Variants in ELF5 observed in about 807,000 individuals in gnomAD.
The protein encoded by ELF5 is ETS-related transcription factor Elf-5.
Under a neutral mutation model 38.2 loss-of-function variants are expected in ELF5, and 31 were observed. The observed-to-expected ratio is 0.81, with a 90% CI of 0.61 to 1.10. The LOEUF is 1.10. ELF5 is among the 50% of genes least tolerant of loss of function. The probability of loss-of-function intolerance (pLI) is 0.00; values close to 1 mark genes in which losing one functional copy is unlikely to be tolerated. For missense variants in ELF5, 300 were observed against 306.6 expected, an observed-to-expected ratio of 0.98 and a Z score of 0.16; for synonymous variants, 121 against 112.5, an observed-to-expected ratio of 1.08 and a Z score of -0.48.
At chr11:34,483,646 T>A (rs769570885) in intron 4 of ELF5, among the ~76,000 whole-genome samples, 1 of 152,048 alleles carries the variant, frequency 6.6e-6, no homozygotes, top group African/African-American at 2.4e-5. Context: ...GTACATACTA[T>A]GCTGTACTAA....
chr11:34,482,474 T>A lies in ELF5; in HGVS notation c.432A>T (p.Thr144=). 6.2e-7 allele frequency: 1 copy of A among 1,613,296 alleles called. No homozygotes were observed. Among genetic ancestry groups the A allele is most frequent in the Non-Finnish European group, 8.5e-7 (1 of 1,179,830 alleles). The part of the protein sequence containing the change: ...KDYADSNCLK[T]SGIKSQDCHS... ...GACAGTCTTGACTTTTGATGCCACT[T>A]GTTTTCAAGCAGTTGGAATCAGCAT... Residue 144 remains threonine, a synonymous_variant, in exon 5 of 7, where the codon ACA becomes ACT. Transcript: ENST00000257832.
chr11:34,493,726 G>C lies in ELF5; in HGVS notation c.122-14C>G. On this transcript the variant is annotated splice_polypyrimidine_tract_variant and intron_variant, in intron 2 of 6. Coordinates refer to ENST00000257832, the MANE Select transcript of ELF5 (RefSeq NM_001422.4). ...ATGAGTCACAGGCTGCACCAAAGGA[G>C]AAAGAAGTGAGGGACAACAGTCCCA... 6.2e-7 allele frequency: 1 copy of C among 1,610,198 alleles called. No individual in the cohort carries two copies. The highest frequency in any genetic ancestry group is 8.5e-7 in the Non-Finnish European group (1 of 1,176,820).
intron 1 of ELF5, among the ~76,000 whole-genome samples, chr11:34,508,174 G>A (rs1366735039): frequency 6.6e-6 from 1 of 152,162 alleles, no homozygotes. Context: ...GCAAAATGCA[G>A]TCCCTCACCT....
intron 4 of ELF5, among the ~76,000 whole-genome samples, chr11:34,489,116 T>C (rs1359678593): frequency 6.6e-6 from 1 of 152,264 alleles, no homozygotes; most frequent in Non-Finnish European, 1.5e-5. Context: ...GCCCGTAGCG[T>C]GTGGTCCACG....
Position 34,497,990 on chromosome 11 carries a change from C to T in ELF5, c.122-4278G>A, listed in dbSNP as rs1850356772. Among the ~76,000 whole-genome samples the T allele has an allele frequency of 2.0e-5, 3 of 152,122 alleles. No individual in the cohort carries two copies. The South Asian group carries it at 6.2e-4, about 32-fold the overall frequency. On this transcript the variant is annotated intron_variant, in intron 2 of 6. Transcript: ENST00000257832. ...AAAACTTATCTGGAAAAAAGCAACC[C>T]TGTTTTACTGGGAGTGGAGGTGAAG... is the stretch of plus-strand genomic sequence containing the variant.
chr11:34,487,882 T>A (rs921760051), intron 4 of ELF5, among the ~76,000 whole-genome samples: 1 of 152,174 alleles, frequency 6.6e-6, no homozygotes, highest in Non-Finnish European at 1.5e-5. Flanking sequence ...GTGTGGCTAG[T>A]GGCTACTGTA....
chr11:34,503,296 C>T (rs1290569166), intron 2 of ELF5, among the ~76,000 whole-genome samples: 2 of 151,638 alleles, frequency 1.3e-5, no homozygotes, highest in African/African-American at 2.4e-5. Context: ...GTAGCTGGGA[C>T]TACAGGTGCG....
chr11:34,484,442 G>A (rs1160219837), intron 4 of ELF5, among the ~76,000 whole-genome samples: 1 of 144,736 alleles, frequency 6.9e-6, no homozygotes, highest in African/African-American at 2.6e-5. Flanking sequence ...GCACTGTACT[G>A]TAGTATACTA....
intron 2 of ELF5, among the ~76,000 whole-genome samples, chr11:34,499,268 G>T (rs759296896): frequency 1.1e-4 from 17 of 152,034 alleles, no homozygotes; most frequent in African/African-American, 4.1e-4. Context: ...TTGAGACAGG[G>T]TCTCACTCTG....
At chr11:34,512,122 G>C (rs1850776017) in intron 1 of ELF5, among the ~76,000 whole-genome samples, 1 of 152,140 alleles carries the variant, frequency 6.6e-6, no homozygotes, top group Non-Finnish European at 1.5e-5. Context: ...CCCAGCCCTT[G>C]GACCTCCCTA....
chr11:34,489,864 C>A, intron 4 of ELF5, 145 bp downstream of exon 4: 1 of 962,068 alleles, frequency 1.0e-6, no homozygotes, highest in East Asian at 2.4e-5. Flanking sequence ...ACACTCTTTC[C>A]ACCACGCTTT....
intron 1 of ELF5, among the ~76,000 whole-genome samples, chr11:34,506,602 C>A (rs765347805): frequency 6.6e-6 from 1 of 152,108 alleles, no homozygotes; most frequent in Admixed American, 6.5e-5. Context: ...CAACCTCTGC[C>A]TCCTGGGTTC....
At chr11:34,481,003 T>C (rs775226403) in intron 5 of ELF5, 36 bp from the exon 6 acceptor site, 1 of 1,429,298 alleles carries the variant, frequency 7.0e-7, no homozygotes, top group Non-Finnish European at 9.3e-7. Flanking sequence ...TATTTACCAT[T>C]GTTTTTTAAA....
chr11:34,486,973 G>A (rs1233006555), intron 4 of ELF5, among the ~76,000 whole-genome samples: 2 of 152,192 alleles, frequency 1.3e-5, no homozygotes, highest in Admixed American at 6.5e-5. Context: ...TCTGAGATCA[G>A]GAAACATCAC....
rs1856894120 is a variant in ELF5, at chr11:34,479,992, C to G, written c.*226G>C. ...GATCAAGACACCACAAAAGATCATC[C>G]CCTCATCCCCTTAGGGAGAAGAAAG... On this transcript the variant is annotated 3_prime_UTR_variant, in exon 7 of 7. Coordinates refer to ENST00000257832, the MANE Select transcript of ELF5 (RefSeq NM_001422.4). 1.9e-6 allele frequency: 1 copy of G among 532,584 alleles called. No homozygotes were observed. The highest frequency in any genetic ancestry group is 3.5e-5 in the Admixed American group (1 of 28,546). The allele number at this position is 532,584 out of a possible 1,614,324, so 33.0% of individuals were successfully genotyped here. A position where few individuals can be genotyped will look rare whatever the true frequency, so the allele number is the denominator to read the frequency against.
At chr11:34,497,186 G>C (rs909427273) in intron 2 of ELF5, among the ~76,000 whole-genome samples, 1 of 152,128 alleles carries the variant, frequency 6.6e-6, no homozygotes, top group Non-Finnish European at 1.5e-5. Context: ...TTATATACCC[G>C]CAGAATATAT....
intron 4 of ELF5, among the ~76,000 whole-genome samples, chr11:34,489,255 CAT>C (rs1850096232): frequency 2.0e-5 from 3 of 152,206 alleles, no homozygotes; most frequent in African/African-American, 7.2e-5. Flanking sequence ...AGGAAAAAAT[CAT>C]AACCCATAAG....
At chr11:34,480,406 G>T in intron 6 of ELF5, 92 bp from the exon 7 acceptor site, 1 of 1,009,908 alleles carries the variant, frequency 9.9e-7, no homozygotes, top group Non-Finnish European at 1.5e-6. Context: ...CCTCTCAGGT[G>T]ACAAGGCTGG....
chr11:34,509,159 G>A (rs559535254), intron 1 of ELF5, among the ~76,000 whole-genome samples: 1 of 152,060 alleles, frequency 6.6e-6, no homozygotes, highest in African/African-American at 2.4e-5. Context: ...GCGAAACCCC[G>A]TCTCCACTAA....
Sources: allele counts gnomAD v4.1 joint callset (sites outside exome capture counted in the v4.1 genomes callset), GRCh38; gene constraint gnomAD v4.1.1; transcripts MANE v1.5; gene names NCBI Gene and HGNC (gene_info 2026-07-23, HGNC 2026-07-21).